The following MEI1 variants were observed in gnomAD, a reference collection of about 807,000 sequenced individuals.
MEI1 encodes the protein meiosis inhibitor protein 1.
A neutral mutation model predicts 146.2 loss-of-function variants in MEI1; 103 were observed. The ratio of observed to expected loss-of-function variants is 0.70; its 90% CI spans 0.60 to 0.83. MEI1 has a LOEUF of 0.83. Ranked by LOEUF, MEI1 falls within the 40% of genes least tolerant of loss-of-function variation. The pLI, the probability that MEI1 is intolerant of heterozygous loss-of-function variation, is 0.00. For missense variants in MEI1, 1,529 were observed against 1,533.0 expected (o/e 1.00, Z 0.04); for synonymous variants, 652 against 628.2 (o/e 1.04, Z -0.57).
intron 26 of MEI1, among the ~76,000 whole-genome samples, chr22:41,785,688 C>G (rs1484699472): frequency 2.0e-5 from 3 of 151,394 alleles, no homozygotes; most frequent in Non-Finnish European, 2.9e-5. Context: ...CTCAGCCTCC[C>G]GAGTAGCTGG....
rs1358305310 is a variant in MEI1, at chr22:41,795,141, C to T, written c.3535-270C>T. Among the ~76,000 whole-genome samples, 2 of 152,146 alleles carry T rather than the reference C, an allele frequency of 1.3e-5. No homozygotes were observed. The highest frequency in any genetic ancestry group is 4.8e-5 in the African/African-American group (2 of 41,430). ...GGGAGCCACACGTAGTTCATTTTGG[C>T]CATGAGTGTTCAGTGCAAGGTTGGG... On this transcript the variant is annotated intron_variant, in intron 28 of 30. Transcript: ENST00000401548. This position sits in a 1 kb window ranked among gnomAD's most constrained non-coding sequence, Gnocchi z 4.2.
chr22:41,793,771 G>T (rs2076273363), intron 26 of MEI1, 58 bp from the exon 27 acceptor site: 3 of 1,429,180 alleles, frequency 2.1e-6, no homozygotes, highest in Non-Finnish European at 2.8e-6. Flanking sequence ...TTTCTTGGTT[G>T]GCACCAAAAG....
intron 5 of MEI1, among the ~76,000 whole-genome samples, chr22:41,717,023 T>C (rs1234809485): frequency 6.6e-6 from 1 of 152,042 alleles, no homozygotes; most frequent in African/African-American, 2.4e-5. Context: ...ATTAAGTACC[T>C]ACTATGAACC....
intron 20 of MEI1, among the ~76,000 whole-genome samples, chr22:41,774,028 T>A (rs886681573): frequency 6.6e-6 from 1 of 152,236 alleles, no homozygotes; most frequent in African/African-American, 2.4e-5. Flanking sequence ...TTTATATGGG[T>A]AATTAACAGC....
chr22:41,738,007 A>C (rs1407843277), intron 11 of MEI1, among the ~76,000 whole-genome samples: 1 of 152,228 alleles, frequency 6.6e-6, no homozygotes, highest in Non-Finnish European at 1.5e-5. Flanking sequence ...ACAGTAATGT[A>C]TTCAAATAAT....
chr22:41,724,906 C>T (rs2071187184), intron 7 of MEI1, among the ~76,000 whole-genome samples: 1 of 151,540 alleles, frequency 6.6e-6, no homozygotes, highest in South Asian at 2.1e-4. Context: ...TGGGCTCAAG[C>T]GATCCTCTTG....
chr22:41,737,994 AAC>A (rs1186399523), intron 11 of MEI1, among the ~76,000 whole-genome samples: 3 of 152,220 alleles, frequency 2.0e-5, no homozygotes, highest in Non-Finnish European at 4.4e-5. Context: ...TTAATTTTCT[AAC>A]ACAGTAATGT....
chr22:41,759,152 G>A (rs1400723866), intron 18 of MEI1, among the ~76,000 whole-genome samples: 1 of 151,338 alleles, frequency 6.6e-6, no homozygotes, highest in East Asian at 2.0e-4. Flanking sequence ...ATTTCAAAAA[G>A]GATATAAAAA....
chr22:41,770,846 G>A lies in MEI1; in HGVS notation c.2429G>A (p.Ser810Asn). ...GAACTTTGGTTCTTCTGGGAAGAGA[G>A]CAGCTATGAGGAACTGGATGATGTC... Reference protein sequence around the residue: ...VLELWFFWEESSYEELDDVTS... With the variant: ...VLELWFFWEENSYEELDDVTS... The change falls in exon 20 of 31, where the codon AGC becomes AAC. Residue 810 changes from serine to asparagine, a missense_variant. Around this residue, in one of 3 missense-constraint regions of MEI1, gnomAD observed 1,212 missense variants for 1,178.9 expected, o/e 1.03. Coordinates refer to ENST00000401548, the MANE Select transcript of MEI1 (RefSeq NM_152513.4). 1.2e-6 allele frequency: 2 copies of A among 1,613,984 alleles called. No individual in the cohort carries two copies. The highest frequency in any genetic ancestry group is 1.7e-6 in the Non-Finnish European group (2 of 1,179,892).
At chr22:41,786,524 G>C (rs2075992014) in intron 26 of MEI1, among the ~76,000 whole-genome samples, 1 of 152,176 alleles carries the variant, frequency 6.6e-6, no homozygotes, top group Non-Finnish European at 1.5e-5. Flanking sequence ...ATTTTTATGA[G>C]ATAGTAGGAT....
intron 16 of MEI1, among the ~76,000 whole-genome samples, chr22:41,753,318 GT>G (rs565997436): frequency 0.017 from 2,520 of 149,086 alleles, 29 homozygotes; most frequent in Non-Finnish European, 0.029. Flanking sequence ...GTTTTGTGTT[GT>G]TTTTTTTTTA....
rs1248599133 is a variant in MEI1, at chr22:41,699,503, G to GA, written c.-33dup. 3.2e-6 allele frequency: 5 copies of GA among 1,586,404 alleles called. No homozygotes were observed. The highest frequency in any genetic ancestry group is 4.3e-6 in the Non-Finnish European group (5 of 1,166,544). On this transcript the variant is annotated 5_prime_UTR_variant, in exon 1 of 31. Transcript: ENST00000401548. ...GTGCGCATGCGTGCAGTCTGCGCGG[G>GA]AAAGAGTGCCGCCTCAGCTGAGGGC...
intron 20 of MEI1, among the ~76,000 whole-genome samples, chr22:41,771,866 CG>C (rs1374628153): frequency 6.6e-6 from 1 of 152,100 alleles, no homozygotes; most frequent in Non-Finnish European, 1.5e-5. Context: ...ATGAAATATT[CG>C]GGGTCAGTTC....
At chr22:41,775,948 C>G in intron 20 of MEI1, 154 bp from the exon 21 acceptor site, 1 of 683,126 alleles carries the variant, frequency 1.5e-6, no homozygotes, top group Non-Finnish European at 2.4e-6. Context: ...CCTAGAAGAG[C>G]CTTTGGTACA....
At chr22:41,714,157 A>G in intron 4 of MEI1, 82 bp downstream of exon 4, 1 of 1,356,524 alleles carries the variant, frequency 7.4e-7, no homozygotes, top group Admixed American at 2.0e-5. Flanking sequence ...CAAATGAGAG[A>G]TTGAAGTCCA....
In MEI1 at chr22:41,776,247, A is replaced by G. The variant is rs756120482; in HGVS notation, c.2690A>G (p.His897Arg). The change falls in exon 21 of 31, where the codon CAT (histidine) becomes CGT (arginine). Residue 897 changes from histidine (H) to arginine (R), a missense_variant. His to Arg is a conservative substitution (Grantham distance 29). Coordinates refer to ENST00000401548, the MANE Select transcript of MEI1 (RefSeq NM_152513.4). ...ATCCTGCAGCGTCTGCTAGTGGAGC[A>G]TGGGGCATCCCCATCAGGAGGTCAG... ...LLILQRLLVE[H>R]GASPSGASGN... 18 of 1,613,626 alleles carry G rather than the reference A, an allele frequency of 1.1e-5. No individual in the cohort carries two copies. Among genetic ancestry groups the G allele is most frequent in the Middle Eastern group, 1.7e-4 (1 of 5,930 alleles).
rs58864136 is a variant in MEI1 at position 41,744,642 on chromosome 22, C to T, written c.1447-331C>T. Among the ~76,000 whole-genome samples the T allele has an allele frequency of 5.8e-5, 2 of 34,398 alleles. 1 individual carries two copies. Among genetic ancestry groups the T allele is most frequent in the Non-Finnish European group, 1.1e-4 (2 of 18,560 alleles). 22.6% of individuals were successfully genotyped at this position (34,398 alleles called of 152,430 possible). On this transcript the variant is annotated intron_variant, in intron 12 of 30. Transcript: ENST00000401548. ...CCTCCCAAGTAGCTGGGACTACAGG[C>T]GCCCGCCTCTACGCCCGGCTAATTT...
chr22:41,730,638 G>C lies in MEI1; in HGVS notation c.1096+1G>C. ...TTTTCCAAGTGCCACACGGTGTATG[G>C]TTGGTAGTAAGGGTCCTGTACTAGC... On this transcript the variant is annotated splice_donor_variant, in intron 9 of 30. Coordinates refer to ENST00000401548, the MANE Select transcript of MEI1 (RefSeq NM_152513.4). LOFTEE classifies it high-confidence loss of function. 6.2e-7 allele frequency: 1 copy of C among 1,606,760 alleles called. No individual in the cohort carries two copies. The highest frequency in any genetic ancestry group is 8.5e-7 in the Non-Finnish European group (1 of 1,173,406).
chr22:41,752,077 A>C (rs2147856805), intron 15 of MEI1, among the ~76,000 whole-genome samples: 1 of 152,116 alleles, frequency 6.6e-6, no homozygotes, highest in East Asian at 1.9e-4. Context: ...TCAGGAAAAA[A>C]AAAAAAAGAA....
Sources: allele counts gnomAD v4.1 joint callset (sites outside exome capture counted in the v4.1 genomes callset), GRCh38; gene constraint gnomAD v4.1.1; regional missense constraint gnomAD v4.1.1; non-coding constraint Gnocchi (gnomAD v3.1); transcripts MANE v1.5; gene names NCBI Gene and HGNC (gene_info 2026-07-23, HGNC 2026-07-21).